Variants in MAF observed in about 807,000 individuals in gnomAD.
MAF encodes MAF bZIP transcription factor.
Under a neutral mutation model 22.0 loss-of-function variants are expected in MAF, and 10 were observed. That is an observed-to-expected ratio of 0.45 (90% confidence interval 0.28 to 0.77). The LOEUF is 0.77. Ranked by LOEUF, MAF falls within the 30% of genes least tolerant of loss-of-function variation. The pLI is 0.12. For missense variants in MAF, 544 were observed against 548.4 expected (o/e 0.99, Z 0.08); for synonymous variants, 337 against 255.8 (o/e 1.32, Z -3.03).
chr16:79,440,430 CTTCT>C, the MAF span, among the ~76,000 whole-genome samples: 7 of 152,244 alleles, frequency 4.6e-5, no homozygotes, highest in South Asian at 8.3e-4. Context: ...TTCTTTCTTT[CTTCT>C]TTCTTCTTTT....
chr16:79,392,391 G>GGAGGAGAAACAGGAAAAGA, the MAF span, among the ~76,000 whole-genome samples: 1 of 149,220 alleles, frequency 6.7e-6, no homozygotes, highest in East Asian at 2.0e-4. Context: ...GGAAAGGGAA[G>GGAGGAGAAACAGGAAAAGA]GAGGAGAAAC....
chr16:79,373,372 T>A, the MAF span, among the ~76,000 whole-genome samples: 7 of 85,966 alleles, frequency 8.1e-5, no homozygotes, highest in Admixed American at 8.5e-4. Context: ...TTTTTTTTTT[T>A]TTTTTTTTTT....
the MAF span, among the ~76,000 whole-genome samples, chr16:79,410,218 T>C: frequency 6.6e-6 from 1 of 152,234 alleles, no homozygotes; most frequent in African/African-American, 2.4e-5. Flanking sequence ...TCCCTTTTTT[T>C]GTCTATAAAT....
the MAF span, among the ~76,000 whole-genome samples, chr16:79,370,997 C>T: frequency 6.6e-6 from 1 of 152,318 alleles, no homozygotes; most frequent in African/African-American, 2.4e-5. Context: ...TTGTAGCTCT[C>T]AATTAGTGGA....
At chr16:79,261,861 G>A in the MAF span, among the ~76,000 whole-genome samples, 14 of 152,222 alleles carry the variant, frequency 9.2e-5, no homozygotes, top group Non-Finnish European at 1.8e-4. Flanking sequence ...GGAGGTTAGT[G>A]GAAGGGAGGG....
At chr16:79,397,126 G>C in the MAF span, among the ~76,000 whole-genome samples, 1 of 152,234 alleles carries the variant, frequency 6.6e-6, no homozygotes, top group African/African-American at 2.4e-5. Context: ...GACATTTACT[G>C]AATGTCTGGG....
At chr16:79,570,950 T>A in the MAF span, among the ~76,000 whole-genome samples, 1 of 152,156 alleles carries the variant, frequency 6.6e-6, no homozygotes, top group African/African-American at 2.4e-5. Flanking sequence ...TTAACCTGTA[T>A]AAGAATTCCA....
chr16:79,571,603 A>C, the MAF span, among the ~76,000 whole-genome samples: 11 of 147,022 alleles, frequency 7.5e-5, no homozygotes, highest in East Asian at 2.2e-3. Flanking sequence ...GAAACTGTTA[A>C]GGCAAAATTT....
chr16:79,308,671 G>A, the MAF span, among the ~76,000 whole-genome samples: 1 of 152,188 alleles, frequency 6.6e-6, no homozygotes, highest in South Asian at 2.1e-4. Flanking sequence ...ATTGATGTCT[G>A]TCTTTGACAA....
chr16:79,462,080 C>T, the MAF span, among the ~76,000 whole-genome samples: 1 of 152,196 alleles, frequency 6.6e-6, no homozygotes, highest in East Asian at 1.9e-4. Context: ...CCCGCCTCCC[C>T]TCGCCTATCT....
the MAF span, among the ~76,000 whole-genome samples, chr16:79,308,007 C>G: frequency 1.7e-4 from 26 of 152,228 alleles, no homozygotes; most frequent in Non-Finnish European, 3.2e-4. Flanking sequence ...ATTCATTCAT[C>G]TGCCATGAGA....
the MAF span, among the ~76,000 whole-genome samples, chr16:79,423,115 T>C: frequency 2.0e-5 from 3 of 152,102 alleles, no homozygotes; most frequent in Non-Finnish European, 2.9e-5. Flanking sequence ...GGGCGTTCAG[T>C]TAAGTGTAAC....
the MAF span, among the ~76,000 whole-genome samples, chr16:79,563,827 C>A: frequency 6.6e-6 from 1 of 152,150 alleles, no homozygotes; most frequent in Non-Finnish European, 1.5e-5. Context: ...TCCTTACACT[C>A]ACCTAGCAAT....
chr16:79,452,404 A>G, the MAF span, among the ~76,000 whole-genome samples: 355 of 152,332 alleles, frequency 2.3e-3, 1 homozygote, highest in Middle Eastern at 0.027. Flanking sequence ...TCTTATGATG[A>G]AAAAACTGAT....
chr16:79,585,017 C>A (rs1217228473), downstream of MAF, among the ~76,000 whole-genome samples: 3 of 151,984 alleles, frequency 2.0e-5, no homozygotes, highest in Non-Finnish European at 4.4e-5. Context: ...TCACTAAAAA[C>A]CAAAAAATAT....
At chr16:79,310,605 T>C in the MAF span, among the ~76,000 whole-genome samples, 165 of 152,316 alleles carry the variant, frequency 1.1e-3, no homozygotes, top group Non-Finnish European at 1.7e-3. Flanking sequence ...GGCTCCTGTA[T>C]CCGCCTCCGC....
At chr16:79,550,348 G>GAC in the MAF span, among the ~76,000 whole-genome samples, 7 of 151,744 alleles carry the variant, frequency 4.6e-5, no homozygotes, top group Non-Finnish European at 1.0e-4. Flanking sequence ...GAGAGAGAGA[G>GAC]AGACAGACAG....
chr16:79,594,785 T>C (rs1012257120), intron 1 of MAF: 3 of 1,320,498 alleles, frequency 2.3e-6, no homozygotes, highest in Admixed American at 3.3e-5. Context: ...TTTCTAAAAA[T>C]GCCTTTTACT....
At chr16:79,221,951 C>G in the MAF span, among the ~76,000 whole-genome samples, 447 of 152,200 alleles carry the variant, frequency 2.9e-3, 5 homozygotes, top group Admixed American at 0.022. Context: ...TAATACACTT[C>G]CCTGGGACAC....
Sources: gnomAD v4.1 joint callset for allele counts (sites outside exome capture counted in the v4.1 genomes callset) on GRCh38, gnomAD v4.1.1 for gene constraint, MANE v1.5 for transcripts, NCBI Gene and HGNC (gene_info 2026-07-23, HGNC 2026-07-21) for gene names.